Variants in BROX observed in about 807,000 individuals in gnomAD.
The protein encoded by BROX is BRO1 domain-containing protein BROX.
Under a neutral mutation model 61.0 loss-of-function variants are expected in BROX, and 53 were observed. The observed-to-expected ratio is 0.87, with a 90% CI of 0.70 to 1.09. The LOEUF (loss-of-function observed/expected upper bound fraction) is 1.09. Ranked by LOEUF, BROX falls within the 50% of genes least tolerant of loss-of-function variation. The probability of loss-of-function intolerance (pLI) is 0.00; values close to 1 mark genes in which losing one functional copy is unlikely to be tolerated. For synonymous variants in BROX, 152 were observed against 160.2 expected, an observed-to-expected ratio of 0.95 and a Z score of 0.38; for missense variants, 489 against 472.0, an observed-to-expected ratio of 1.04 and a Z score of -0.33.
At chr1:222,719,665 A>C (rs958945282) in intron 4 of BROX, among the ~76,000 whole-genome samples, 7 of 152,208 alleles carry the variant, frequency 4.6e-5, no homozygotes, top group African/African-American at 1.4e-4. Flanking sequence ...GACATTCCGT[A>C]TGTGCCTACA....
At chr1:222,728,684 A>G in intron 8 of BROX, 59 bp from the exon 9 acceptor site, 1 of 1,137,340 alleles carries the variant, frequency 8.8e-7, no homozygotes, top group Non-Finnish European at 1.3e-6. Flanking sequence ...CACATGAACT[A>G]AAAGTCTTCT....
intron 2 of BROX, among the ~76,000 whole-genome samples, chr1:222,718,349 C>T (rs1656794271): frequency 6.6e-6 from 1 of 152,004 alleles, no homozygotes; most frequent in Admixed American, 6.6e-5. Context: ...CTGATGGCCA[C>T]GTTTTACATA....
At chr1:222,731,270 G>A in intron 11 of BROX, 87 bp from the exon 12 acceptor site, 6 of 1,154,866 alleles carry the variant, frequency 5.2e-6, no homozygotes, top group Non-Finnish European at 5.9e-6. Context: ...TCATTAAATT[G>A]TCATTGTCCC....
intron 11 of BROX, among the ~76,000 whole-genome samples, chr1:222,731,104 GA>G (rs1294023967): frequency 6.6e-6 from 1 of 151,970 alleles, no homozygotes; most frequent in African/African-American, 2.4e-5. Flanking sequence ...ACTTCCTTCG[GA>G]AAGAGTCACT....
chr1:222,714,733 G>A (rs1465377941), intron 1 of BROX, among the ~76,000 whole-genome samples: 1 of 151,858 alleles, frequency 6.6e-6, no homozygotes, highest in African/African-American at 2.4e-5. Flanking sequence ...AGAACCACAG[G>A]CGTGGCTACC....
chr1:222,716,640 T>TA (rs1466112921), intron 2 of BROX, among the ~76,000 whole-genome samples: 3 of 152,210 alleles, frequency 2.0e-5, no homozygotes, highest in African/African-American at 7.2e-5. Context: ...TTTATTGACA[T>TA]ACTGTGTATG....
At chr1:222,718,038 A>G (rs547627895) in intron 2 of BROX, 26 of 152,350 alleles carry the variant, frequency 1.7e-4, no homozygotes, top group African/African-American at 4.8e-4. Flanking sequence ...GAATAGAACC[A>G]AGTGAAAGCT....
intron 2 of BROX, among the ~76,000 whole-genome samples, chr1:222,716,988 T>C (rs1277759344): frequency 1.3e-5 from 2 of 152,172 alleles, no homozygotes; most frequent in Non-Finnish European, 2.9e-5. Context: ...ATTAAGACAT[T>C]GGTGGTACCA....
intron 12 of BROX, among the ~76,000 whole-genome samples, chr1:222,732,370 C>G (rs981275108): frequency 6.6e-6 from 1 of 152,048 alleles, no homozygotes. Flanking sequence ...ATAGATAGAT[C>G]ACTTAGAAAA....
chr1:222,721,811 T>C (rs17011702), intron 4 of BROX, among the ~76,000 whole-genome samples: 1,923 of 152,236 alleles, frequency 0.013, 42 homozygotes, highest in African/African-American at 0.043. Context: ...CTTGATTTCT[T>C]TTTTACATAC....
At chr1:222,715,117 T>C (rs968419593) in intron 1 of BROX, 2 of 152,228 alleles carry the variant, frequency 1.3e-5, no homozygotes, top group African/African-American at 4.8e-5. Context: ...ATTACGTTCA[T>C]CTGGTCCTGT....
intron 6 of BROX, 137 bp downstream of exon 6, chr1:222,724,301 A>G (rs1021605522): frequency 1.4e-6 from 1 of 702,592 alleles, no homozygotes; most frequent in African/African-American, 1.8e-5. Flanking sequence ...TCCTTATGTT[A>G]AGTATGTTAT....
At position 222,723,623 on chromosome 1, in the gene BROX, C is replaced by T. The variant is rs565447841; in HGVS notation, c.402-469C>T. 5.9e-5 allele frequency among the ~76,000 whole-genome samples: 9 copies of T among 152,262 alleles called. No individual in the cohort carries two copies. In the South Asian group the frequency reaches 1.5e-3, roughly 25 times the overall value. ...ATCCTTTACAGTTTTTACTAATTTCCTATAAACGTACATTTCATATGCATT... is the reference window on the plus strand; with the variant it reads ...ATCCTTTACAGTTTTTACTAATTTCTTATAAACGTACATTTCATATGCATT... On this transcript the variant is annotated intron_variant, in intron 5 of 12. Coordinates refer to ENST00000340934, the MANE Select transcript of BROX (RefSeq NM_144695.4).
In BROX at chr1:222,712,625, AC is replaced by A. The variant is rs1656136223; in HGVS notation, c.-333del. The stretch of plus-strand genomic sequence containing the variant: ...TCCCTCGGCTCCGGAGGTAGGGGCA[AC>A]TCTTCTCTTCCTGTCTGGGAAAAAG... On this transcript the variant is annotated 5_prime_UTR_variant, in exon 1 of 13. Coordinates refer to ENST00000340934, the MANE Select transcript of BROX (RefSeq NM_144695.4). 19 of 1,333,448 alleles carry A rather than the reference AC, an allele frequency of 1.4e-5. No homozygotes were observed. Among genetic ancestry groups the A allele is most frequent in the Non-Finnish European group, 1.8e-5 (18 of 1,019,312 alleles). The allele number at this position is 1,333,448 out of a possible 1,614,324, so 82.6% of individuals were successfully genotyped here.
chr1:222,714,746 C>G (rs1656443905), intron 1 of BROX, among the ~76,000 whole-genome samples: 1 of 151,860 alleles, frequency 6.6e-6, no homozygotes, highest in Non-Finnish European at 1.5e-5. Flanking sequence ...TGGCTACCAT[C>G]CCCGGCTGAT....
intron 4 of BROX, among the ~76,000 whole-genome samples, chr1:222,719,755 C>G (rs1159425176): frequency 6.6e-6 from 1 of 152,136 alleles, no homozygotes; most frequent in Non-Finnish European, 1.5e-5. Flanking sequence ...TAGTCTTTGT[C>G]TCATTCTTTC....
chr1:222,714,710 C>A (rs973392199), intron 1 of BROX, among the ~76,000 whole-genome samples: 1 of 151,950 alleles, frequency 6.6e-6, no homozygotes, highest in Non-Finnish European at 1.5e-5. Context: ...CCTCCTCAGT[C>A]TTCCCAGTAG....
At chr1:222,721,243 T>C (rs775881625) in intron 4 of BROX, among the ~76,000 whole-genome samples, 1 of 152,220 alleles carries the variant, frequency 6.6e-6, no homozygotes, top group East Asian at 1.9e-4. Flanking sequence ...TATTAAACTA[T>C]GTATTAAATT....
In BROX at chr1:222,712,847, C is replaced by G; in HGVS notation, c.-112C>G. 3.1e-6 allele frequency: 4 copies of G among 1,279,984 alleles called. No individual in the cohort carries two copies. Among genetic ancestry groups the G allele is most frequent in the Non-Finnish European group, 4.1e-6 (4 of 982,628 alleles). 79.3% of individuals were successfully genotyped at this position (1,279,984 alleles called of 1,614,324 possible). Reference sequence around the variant, plus strand: ...TTTTCCGTCACCCTGGTTCTGTAGTCTCGGTTCTCCGACTCCCTCTTTTTC... The same window carrying G: ...TTTTCCGTCACCCTGGTTCTGTAGTGTCGGTTCTCCGACTCCCTCTTTTTC... On this transcript the variant is annotated 5_prime_UTR_variant, in exon 1 of 13. Transcript: ENST00000340934.
Sources: allele counts gnomAD v4.1 joint callset (sites outside exome capture counted in the v4.1 genomes callset), GRCh38; gene constraint gnomAD v4.1.1; transcripts MANE v1.5; gene names NCBI Gene and HGNC (gene_info 2026-07-23, HGNC 2026-07-21).